The following UNC5D variants were observed in gnomAD, a reference collection of about 807,000 sequenced individuals.
UNC5D encodes the protein unc-5 netrin receptor D.
A neutral mutation model predicts 105.4 loss-of-function variants in UNC5D; 39 were observed. The ratio of observed to expected loss-of-function variants is 0.37; its 90% CI spans 0.29 to 0.48. The LOEUF (loss-of-function observed/expected upper bound fraction) is 0.48, where lower values mean the gene tolerates loss of function less well. Ranked by LOEUF, UNC5D falls within the 20% of genes least tolerant of loss-of-function variation. The probability of loss-of-function intolerance (pLI) is 0.98; values close to 1 mark genes in which losing one functional copy is unlikely to be tolerated. For synonymous variants in UNC5D, 452 were observed against 450.4 expected, an observed-to-expected ratio of 1.00 and a Z score of -0.04; for missense variants, 991 against 1,202.4, an observed-to-expected ratio of 0.82 and a Z score of 2.60.
At chr8:35,749,884 T>C (rs1291941541) in intron 12 of UNC5D, among the ~76,000 whole-genome samples, 1 of 151,770 alleles carries the variant, frequency 6.6e-6, no homozygotes, top group Non-Finnish European at 1.5e-5. Flanking sequence ...TTCATTTATT[T>C]AGTGGTCCCT....
At chr8:35,477,580 C>G (rs537565534) in intron 1 of UNC5D, among the ~76,000 whole-genome samples, 1 of 151,972 alleles carries the variant, frequency 6.6e-6, no homozygotes, top group African/African-American at 2.4e-5. Context: ...CATGCACAGG[C>G]TATTCTGACA....
chr8:35,279,160 T>C (rs1251392960), intron 1 of UNC5D, among the ~76,000 whole-genome samples: 1 of 152,228 alleles, frequency 6.6e-6, no homozygotes, highest in Non-Finnish European at 1.5e-5. Flanking sequence ...GTATGCTGAA[T>C]TCTAATGATG....
intron 2 of UNC5D, among the ~76,000 whole-genome samples, chr8:35,565,834 C>CA (rs1302054060): frequency 6.6e-6 from 1 of 152,168 alleles, no homozygotes; most frequent in Non-Finnish European, 1.5e-5. Context: ...GTCCTTTCCC[C>CA]AGTATATGTT....
chr8:35,678,404 T>A (rs1825419528), intron 4 of UNC5D, among the ~76,000 whole-genome samples: 1 of 152,160 alleles, frequency 6.6e-6, no homozygotes, highest in African/African-American at 2.4e-5. Context: ...AATTTGAAAA[T>A]CACTGTGCTA....
intron 7 of UNC5D, among the ~76,000 whole-genome samples, chr8:35,695,015 T>C (rs1354441181): frequency 6.6e-6 from 1 of 152,214 alleles, no homozygotes; most frequent in African/African-American, 2.4e-5. Context: ...TAAGATAGTG[T>C]CTAATGAAAT....
chr8:35,741,846 G>T (rs1181681184), intron 11 of UNC5D, among the ~76,000 whole-genome samples: 1 of 152,088 alleles, frequency 6.6e-6, no homozygotes, highest in African/African-American at 2.4e-5. Context: ...AGAAAATGCA[G>T]GTTCCTGGGC....
At chr8:35,626,802 G>A (rs1021701172) in intron 4 of UNC5D, among the ~76,000 whole-genome samples, 4 of 151,984 alleles carry the variant, frequency 2.6e-5, no homozygotes, top group African/African-American at 9.7e-5. Context: ...ATACATGTAG[G>A]GCCTAGTCTA....
chr8:35,544,140 A>C (rs529970694), intron 1 of UNC5D, among the ~76,000 whole-genome samples: 1 of 152,260 alleles, frequency 6.6e-6, no homozygotes, highest in South Asian at 2.1e-4. Context: ...GTGTCTCTTA[A>C]ATGACCGAAT....
At chr8:35,293,492 C>T (rs1163043425) in intron 1 of UNC5D, among the ~76,000 whole-genome samples, 1 of 152,170 alleles carries the variant, frequency 6.6e-6, no homozygotes, top group Non-Finnish European at 1.5e-5. Flanking sequence ...TTTGGAAGCA[C>T]TCATCTCCAT....
chr8:35,662,160 T>A (rs1586364052), intron 4 of UNC5D, among the ~76,000 whole-genome samples: 1 of 135,176 alleles, frequency 7.4e-6, no homozygotes, highest in Non-Finnish European at 1.5e-5. Context: ...TTTAGTAGAG[T>A]CCAAAAGGAA....
In UNC5D at chr8:35,584,447, C is replaced by G. The variant is rs570143286; in HGVS notation, c.467-11107C>G. Among the ~76,000 whole-genome samples the G allele has an allele frequency of 1.2e-4, 19 of 152,174 alleles. 1 individual carries two copies. The South Asian group carries it at 3.9e-3, about 32-fold the overall frequency. On this transcript the variant is annotated intron_variant, in intron 3 of 16. Coordinates refer to ENST00000404895, the MANE Select transcript of UNC5D (RefSeq NM_080872.4). ...TTTGTTTTATAGAGACAGAATCTCA[C>G]TCCATCTTTCAGACTGGAGTGAAGT...
chr8:35,540,727 A>T (rs143238144), intron 1 of UNC5D, among the ~76,000 whole-genome samples: 293 of 152,062 alleles, frequency 1.9e-3, no homozygotes, highest in African/African-American at 6.6e-3. Context: ...TCTCTGGCTT[A>T]GATCCAATTT....
At chr8:35,613,926 T>C (rs1820854750) in intron 4 of UNC5D, among the ~76,000 whole-genome samples, 1 of 152,202 alleles carries the variant, frequency 6.6e-6, no homozygotes, top group African/African-American at 2.4e-5. Context: ...TTGACAAATA[T>C]TTGAAAGTAT....
chr8:35,683,454 T>A (rs1825805607), intron 4 of UNC5D, 93 bp from the exon 5 acceptor site: 1 of 1,285,200 alleles, frequency 7.8e-7, no homozygotes, highest in Non-Finnish European at 1.0e-6. Flanking sequence ...TTTAGATACA[T>A]CTCTCTCCCA....
At chr8:35,246,882 G>C (rs1803136388) in intron 1 of UNC5D, among the ~76,000 whole-genome samples, 1 of 152,100 alleles carries the variant, frequency 6.6e-6, no homozygotes, top group Non-Finnish European at 1.5e-5. Flanking sequence ...ACACTGATTT[G>C]ATCACTGAGT....
At chr8:35,442,933 C>A (rs1807530022) in intron 1 of UNC5D, among the ~76,000 whole-genome samples, 1 of 149,292 alleles carries the variant, frequency 6.7e-6, no homozygotes, top group Admixed American at 6.7e-5. Context: ...CACACACACA[C>A]ACAACACACA....
chr8:35,737,891 G>A (rs1829556341), intron 11 of UNC5D, among the ~76,000 whole-genome samples: 1 of 152,186 alleles, frequency 6.6e-6, no homozygotes. Context: ...TGGATCACCT[G>A]AGGTCGGGAG....
intron 4 of UNC5D, among the ~76,000 whole-genome samples, chr8:35,632,331 C>A (rs981526789): frequency 2.0e-5 from 3 of 152,132 alleles, no homozygotes; most frequent in African/African-American, 7.2e-5. Context: ...CCCTGCATAA[C>A]CTGGAACTGC....
At chr8:35,245,254 A>G (rs1189031611) in intron 1 of UNC5D, among the ~76,000 whole-genome samples, 1 of 152,184 alleles carries the variant, frequency 6.6e-6, no homozygotes, top group African/African-American at 2.4e-5. Context: ...TCAATATGTC[A>G]TTAAGAAGTG....
Sources: gnomAD v4.1 joint callset for allele counts (sites outside exome capture counted in the v4.1 genomes callset) on GRCh38, gnomAD v4.1.1 for gene constraint, MANE v1.5 for transcripts, NCBI Gene and HGNC (gene_info 2026-07-23, HGNC 2026-07-21) for gene names.